The following SKOR1 variants were observed in gnomAD, a reference collection of about 807,000 sequenced individuals.
SKOR1 encodes SKI family transcriptional corepressor 1.
Under a neutral mutation model 72.4 loss-of-function variants are expected in SKOR1, and 38 were observed. The ratio of observed to expected loss-of-function variants is 0.52; its 90% CI spans 0.40 to 0.69. The LOEUF (loss-of-function observed/expected upper bound fraction) is 0.69, where lower values mean the gene tolerates loss of function less well. Among genes scored for constraint, SKOR1 ranks in the 30% least tolerant of loss-of-function variants. The pLI is 0.00. For synonymous variants in SKOR1, 642 were observed against 599.4 expected (o/e 1.07, Z -1.04); for missense variants, 1,320 against 1,343.2 (o/e 0.98, Z 0.27).
chr15:67,827,415 C>A lies in SKOR1; in HGVS notation c.1587C>A (p.Gly529=). 1 of 1,524,424 alleles carries A rather than the reference C, an allele frequency of 6.6e-7. No individual in the cohort carries two copies. Among genetic ancestry groups the A allele is most frequent in the African/African-American group, 1.4e-5 (1 of 70,832 alleles). 94.4% of individuals were successfully genotyped at this position (1,524,424 alleles called of 1,614,324 possible). ...AAAAAAAAAA[G]SGAPEPLDGA... is the part of the protein sequence containing the mutation. ...CGGCGGCGGCAGCGGCAGCTGCTGG[C>A]AGCGGTGCCCCAGAGCCCCTGGACG... Residue 529 remains glycine, a synonymous_variant, in exon 2 of 9, where the codon GGC becomes GGA. Coordinates refer to ENST00000380035, the MANE Select transcript of SKOR1 (RefSeq NM_001365915.1).
chr15:67,833,011 TC>T lies in SKOR1; in HGVS notation c.2738-178del. The T allele has an allele frequency of 1.5e-6, 1 of 656,956 alleles. No homozygotes were observed. The highest frequency in any genetic ancestry group is 1.8e-5 in the South Asian group (1 of 54,600). The allele number at this position is 656,956 out of a possible 1,614,324, so 40.7% of individuals were successfully genotyped here. A position where few individuals can be genotyped will look rare whatever the true frequency, so the allele number is the denominator to read the frequency against. The stretch of plus-strand genomic sequence containing the variant: ...TAGATCCATCTGCCTTTAAGCGCCA[TC>T]CCAGGCCATTTCCTTCCTCCGCCAG... On this transcript the variant is annotated intron_variant, in intron 7 of 8. Coordinates refer to ENST00000380035, the MANE Select transcript of SKOR1 (RefSeq NM_001365915.1). This position sits in a 1 kb window ranked among gnomAD's most constrained non-coding sequence, Gnocchi z 6.0.
In SKOR1 at chr15:67,832,229, C is replaced by T. The variant is rs1250925364; in HGVS notation, c.2588-45C>T. ...AGGCAGAACCTGAGCTCCAAATAAC[C>T]CTGCTTTACCTCCCACTTTACCTCC... On this transcript the variant is annotated intron_variant, in intron 5 of 8. Transcript: ENST00000380035. The surrounding 1 kb of genome is among the most constrained non-coding windows in gnomAD (Gnocchi z 4.5). 1.9e-6 allele frequency: 3 copies of T among 1,590,794 alleles called. No individual in the cohort carries two copies. The Admixed American group carries it at 5.0e-5, about 27-fold the overall frequency.
chr15:67,830,305 C>A lies in SKOR1; in HGVS notation c.2515+7C>A. ...CCTGCAAATACAGACAGAGGTGAGC[C>A]AGCCCTTGAACCCATCGCTCTCCAC... On this transcript the variant is annotated splice_region_variant and intron_variant, in intron 4 of 8. Coordinates refer to ENST00000380035, the MANE Select transcript of SKOR1 (RefSeq NM_001365915.1). The A allele has an allele frequency of 6.2e-7, 1 of 1,613,522 alleles. No individual in the cohort carries two copies. The highest frequency in any genetic ancestry group is 1.1e-5 in the South Asian group (1 of 91,072).
Position 67,833,404 on chromosome 15 carries a change from C to T in SKOR1, c.2803+147C>T. 1.1e-6 allele frequency: 1 copy of T among 918,664 alleles called. No individual in the cohort carries two copies. Among genetic ancestry groups the T allele is most frequent in the Non-Finnish European group, 1.7e-6 (1 of 574,282 alleles). The allele number at this position is 918,664 out of a possible 1,614,324, so 56.9% of individuals were successfully genotyped here. ...GGAGAAAAGTGGGAACTGATTTTAA[C>T]GGGAAGATTATTCTAGGATGGTGGG... is the stretch of plus-strand genomic sequence containing the variant. On this transcript the variant is annotated intron_variant, in intron 8 of 8. Coordinates refer to ENST00000380035, the MANE Select transcript of SKOR1 (RefSeq NM_001365915.1). The surrounding 1 kb of genome is among the most constrained non-coding windows in gnomAD (Gnocchi z 6.0).
intron 5 of SKOR1, 93 bp downstream of exon 5, chr15:67,830,982 G>A (rs1386672472): frequency 6.1e-6 from 8 of 1,305,404 alleles, no homozygotes; most frequent in Non-Finnish European, 8.9e-6. Flanking sequence ...GGGTGAGTGT[G>A]GAAAAGACAC....
At position 67,825,883 on chromosome 15, in the gene SKOR1, C is replaced by T. The variant is rs549297936; in HGVS notation, c.108-53C>T. 4.6e-6 allele frequency: 7 copies of T among 1,509,074 alleles called. No homozygotes were observed. The African/African-American group carries it at 8.4e-5, about 18-fold the overall frequency. 93.5% of individuals were successfully genotyped at this position (1,509,074 alleles called of 1,614,324 possible). On this transcript the variant is annotated intron_variant, in intron 1 of 8. Transcript: ENST00000380035. This position sits in a 1 kb window ranked among gnomAD's most constrained non-coding sequence, Gnocchi z 5.6. The stretch of plus-strand genomic sequence containing the variant: ...CGCCCTGCTGGGCGGGCCCGAGCCT[C>T]GGCGGCGGCGCTGAAAATGGCTCAT...
intron 2 of SKOR1, among the ~76,000 whole-genome samples, chr15:67,828,785 G>T (rs2090985806): frequency 1.3e-5 from 2 of 152,130 alleles, no homozygotes; most frequent in African/African-American, 4.8e-5. Context: ...TGGCCATTTT[G>T]AAAGTGAGTG....
chr15:67,829,144 C>T (rs1555409234), intron 2 of SKOR1, 35 bp from the exon 3 acceptor site: 6 of 1,504,386 alleles, frequency 4.0e-6, no homozygotes, highest in Non-Finnish European at 4.4e-6. Context: ...CGCAGGGCGC[C>T]ACCCTAATCG....
chr15:67,832,592 A>C lies in SKOR1; in HGVS notation c.2663-15A>C. On this transcript the variant is annotated splice_polypyrimidine_tract_variant and intron_variant, in intron 6 of 8. Transcript: ENST00000380035. This position sits in a 1 kb window ranked among gnomAD's most constrained non-coding sequence, Gnocchi z 4.5. ...GGGCTGTGCGTAACAGCTCTCACTTAATCAATTTGCACAGATAATTTTCAG... is the reference window on the plus strand; with the variant it reads ...GGGCTGTGCGTAACAGCTCTCACTTCATCAATTTGCACAGATAATTTTCAG... 5 of 1,612,256 alleles carry C rather than the reference A, an allele frequency of 3.1e-6. No individual in the cohort carries two copies. The highest frequency in any genetic ancestry group is 4.2e-6 in the Non-Finnish European group (5 of 1,178,602).
At chr15:67,829,564 C>A (rs2090992026) in intron 3 of SKOR1, among the ~76,000 whole-genome samples, 1 of 152,172 alleles carries the variant, frequency 6.6e-6, no homozygotes, top group African/African-American at 2.4e-5. Context: ...CCTTCAAATC[C>A]TCTCATTTAT....
Position 67,833,331 on chromosome 15 carries a change from T to G in SKOR1, c.2803+74T>G. ...TGCTGTCGACTGAATGAATGAATAG[T>G]GGGACTAGTGAGGAAGGCCACGATC... On this transcript the variant is annotated intron_variant, in intron 8 of 8. Transcript: ENST00000380035. The surrounding 1 kb of genome is among the most constrained non-coding windows in gnomAD (Gnocchi z 6.0). 1 of 1,477,146 alleles carries G rather than the reference T, an allele frequency of 6.8e-7. No homozygotes were observed. 91.5% of individuals were successfully genotyped at this position (1,477,146 alleles called of 1,614,324 possible). A position where few individuals can be genotyped will look rare whatever the true frequency, so the allele number is the denominator to read the frequency against.
In SKOR1 at chr15:67,832,386, C is replaced by T. The variant is rs367783968; in HGVS notation, c.2662+38C>T. Reference sequence around the variant, plus strand: ...ATCCTGCCTCACCCCACCTCATCACCGAGCCTTCCACCAGGGTGCCCCGAC... The same window carrying T: ...ATCCTGCCTCACCCCACCTCATCACTGAGCCTTCCACCAGGGTGCCCCGAC... On this transcript the variant is annotated intron_variant, in intron 6 of 8. Coordinates refer to ENST00000380035, the MANE Select transcript of SKOR1 (RefSeq NM_001365915.1). This position sits in a 1 kb window ranked among gnomAD's most constrained non-coding sequence, Gnocchi z 4.5. The T allele has an allele frequency of 3.4e-5, 55 of 1,607,930 alleles. No homozygotes were observed. The highest frequency in any genetic ancestry group is 1.3e-4 in the East Asian group (6 of 44,860).
In SKOR1 at chr15:67,832,889, T is replaced by G; in HGVS notation, c.2737+208T>G. The stretch of plus-strand genomic sequence containing the variant: ...TGCAGGCATCATTACATGGAGTGAT[T>G]GAACTTCTTATCGCGGCAATTTCCA... On this transcript the variant is annotated intron_variant, in intron 7 of 8. Coordinates refer to ENST00000380035, the MANE Select transcript of SKOR1 (RefSeq NM_001365915.1). This position sits in a 1 kb window ranked among gnomAD's most constrained non-coding sequence, Gnocchi z 4.5. 1.7e-6 allele frequency: 1 copy of G among 601,020 alleles called. No homozygotes were observed. The highest frequency in any genetic ancestry group is 2.9e-6 in the Non-Finnish European group (1 of 340,132). 37.2% of individuals were successfully genotyped at this position (601,020 alleles called of 1,614,324 possible).
In SKOR1 at chr15:67,833,148, G is replaced by A. The variant is rs2091021534; in HGVS notation, c.2738-44G>A. The A allele has an allele frequency of 6.2e-7, 1 of 1,609,576 alleles. No individual in the cohort carries two copies. Among genetic ancestry groups the A allele is most frequent in the Non-Finnish European group, 8.5e-7 (1 of 1,176,528 alleles). ...CGGGCTGTGACCCCGGCCTTTCGGA[G>A]GGTGGTCTGCGTTTCCTCACTGGCC... On this transcript the variant is annotated intron_variant, in intron 7 of 8. Coordinates refer to ENST00000380035, the MANE Select transcript of SKOR1 (RefSeq NM_001365915.1). This position sits in a 1 kb window ranked among gnomAD's most constrained non-coding sequence, Gnocchi z 6.0.
At position 67,833,628 on chromosome 15, in the gene SKOR1, T is replaced by C. The variant is rs1367432446; in HGVS notation, c.2804-114T>C. 1 of 1,112,638 alleles carries C rather than the reference T, an allele frequency of 9.0e-7. No homozygotes were observed. The highest frequency in any genetic ancestry group is 1.4e-6 in the Non-Finnish European group (1 of 733,956). The allele number at this position is 1,112,638 out of a possible 1,614,324, so 68.9% of individuals were successfully genotyped here. A position where few individuals can be genotyped will look rare whatever the true frequency, so the allele number is the denominator to read the frequency against. On this transcript the variant is annotated intron_variant, in intron 8 of 8. Transcript: ENST00000380035. The surrounding 1 kb of genome is among the most constrained non-coding windows in gnomAD (Gnocchi z 6.0). Reference sequence around the variant, plus strand: ...TCCTGCCTCCTCCTGATCCGCTCGGTTGAGATTCCCTGACCCCAAAGGGTT... The same window carrying C: ...TCCTGCCTCCTCCTGATCCGCTCGGCTGAGATTCCCTGACCCCAAAGGGTT...
chr15:67,829,279 G>T lies in SKOR1; in HGVS notation c.2407+10G>T. The T allele has an allele frequency of 6.5e-7, 1 of 1,537,518 alleles. No homozygotes were observed. Among genetic ancestry groups the T allele is most frequent in the Non-Finnish European group, 8.7e-7 (1 of 1,147,810 alleles). On this transcript the variant is annotated intron_variant, in intron 3 of 8. Coordinates refer to ENST00000380035, the MANE Select transcript of SKOR1 (RefSeq NM_001365915.1). ...ACCCCCGAGGCCCACGGTAACGCCTGTCGCGGCCGCTGGCCACTGTAATGG... is the reference window on the plus strand; with the variant it reads ...ACCCCCGAGGCCCACGGTAACGCCTTTCGCGGCCGCTGGCCACTGTAATGG...
chr15:67,825,700 C>T lies in SKOR1; in HGVS notation c.98C>T (p.Ala33Val). The change falls in exon 1 of 9, where the codon GCA becomes GTA. Residue 33 changes from alanine to valine, a missense_variant. By Grantham distance (64) the Ala-to-Val change is moderately conservative. Around this residue, in one of 3 missense-constraint regions of SKOR1, gnomAD observed 120 missense variants for 104.9 expected, o/e 1.14. Transcript: ENST00000380035. The surrounding 1 kb of genome is among the most constrained non-coding windows in gnomAD (Gnocchi z 5.6). ...GGGATTGGGTTCCTTGCAGCCCGGGCATTCCTGAGGTCTCCTTTACCCCTT... is the reference window on the plus strand; with the variant it reads ...GGGATTGGGTTCCTTGCAGCCCGGGTATTCCTGAGGTCTCCTTTACCCCTT... ...ENGIGFLAAR[A>V]FLRSGGMEAL... 1 of 752,728 alleles carries T rather than the reference C, an allele frequency of 1.3e-6. No individual in the cohort carries two copies. The highest frequency in any genetic ancestry group is 1.5e-5 in the South Asian group (1 of 68,362). 46.6% of individuals were successfully genotyped at this position (752,728 alleles called of 1,614,324 possible). A position where few individuals can be genotyped will look rare whatever the true frequency, so the allele number is the denominator to read the frequency against.
intron 2 of SKOR1, 26 bp from the exon 3 acceptor site, chr15:67,829,153 C>T: frequency 6.6e-7 from 1 of 1,520,522 alleles, no homozygotes; most frequent in South Asian, 1.2e-5. Context: ...CCACCCTAAT[C>T]GCCTGTCATT....
Position 67,827,772 on chromosome 15 carries a change from C to T in SKOR1, c.1944C>T (p.Ser648=), listed in dbSNP as rs1341654799. Residue 648 remains serine, a synonymous_variant, in exon 2 of 9, where the codon TCC becomes TCT. Transcript: ENST00000380035. ...GCGAGGGCAGCTCCAGCTACAATTC[C>T]GCCTCGCCCGACGTGGACACCGCGG... is the stretch of plus-strand genomic sequence containing the variant. ...FLSEGSSSYN[S]ASPDVDTADE... The T allele has an allele frequency of 1.9e-6, 3 of 1,557,960 alleles. No individual in the cohort carries two copies. The Admixed American group carries it at 5.8e-5, about 30-fold the overall frequency.
Sources: allele counts gnomAD v4.1 joint callset (sites outside exome capture counted in the v4.1 genomes callset), GRCh38; gene constraint gnomAD v4.1.1; regional missense constraint gnomAD v4.1.1; non-coding constraint Gnocchi (gnomAD v3.1); transcripts MANE v1.5; gene names NCBI Gene and HGNC (gene_info 2026-07-23, HGNC 2026-07-21).